NAA11: variants seen among roughly 807,000 people sequenced by gnomAD.
NAA11 encodes the protein N-alpha-acetyltransferase 11, NatA catalytic subunit.
In NAA11, 15 loss-of-function variants were observed where a neutral mutation model predicts 16.1. The ratio of observed to expected loss-of-function variants is 0.93; its 90% CI spans 0.62 to 1.44. The LOEUF (loss-of-function observed/expected upper bound fraction) is 1.44. Among genes scored for constraint, NAA11 ranks in the 40% most tolerant of loss-of-function variants. The pLI is 0.00. For missense variants in NAA11, 298 were observed against 291.3 expected, an observed-to-expected ratio of 1.02 and a Z score of -0.17; for synonymous variants, 122 against 112.4, an observed-to-expected ratio of 1.09 and a Z score of -0.54.
intron 1 of NAA11, among the ~76,000 whole-genome samples, chr4:79,310,130 A>G (rs1200810634): frequency 5.9e-5 from 9 of 152,202 alleles, no homozygotes; most frequent in Non-Finnish European, 1.0e-4. Context: ...AGCACCTGCT[A>G]TTGCCTGGGC....
chr4:79,322,617 T>C (rs774599837), intron 1 of NAA11, among the ~76,000 whole-genome samples: 5 of 152,108 alleles, frequency 3.3e-5, no homozygotes, highest in Non-Finnish European at 5.9e-5. Flanking sequence ...ACTGTGTAAG[T>C]CCTTCTACGA....
the NAA11 span, among the ~76,000 whole-genome samples, chr4:79,173,761 G>A: frequency 2.0e-5 from 3 of 152,076 alleles, no homozygotes; most frequent in South Asian, 2.1e-4. Context: ...TATGTTCCAC[G>A]TTCTGGGGCT....
At chr4:79,167,254 CAT>C in the NAA11 span, among the ~76,000 whole-genome samples, 228 of 112,722 alleles carry the variant, frequency 2.0e-3, 4 homozygotes, top group East Asian at 2.9e-3. Flanking sequence ...CACACACCCA[CAT>C]ATATATATAT....
At chr4:79,177,124 CTA>C in the NAA11 span, among the ~76,000 whole-genome samples, 4 of 151,856 alleles carry the variant, frequency 2.6e-5, no homozygotes, top group Non-Finnish European at 5.9e-5. Flanking sequence ...TATGAACACT[CTA>C]TATGTATATG....
chr4:79,203,495 G>C, the NAA11 span, among the ~76,000 whole-genome samples: 1 of 151,766 alleles, frequency 6.6e-6, no homozygotes, highest in African/African-American at 2.4e-5. Context: ...CTTGTAGTCA[G>C]AGGAAAGAAA....
intron 2 of NAA11, chr4:79,245,634 C>G (rs1312986899): frequency 1.3e-5 from 2 of 156,806 alleles, no homozygotes; most frequent in Non-Finnish European, 2.8e-5. Flanking sequence ...GCCCGGCCAC[C>G]CTGTCTGGGA....
chr4:79,269,308 A>G (rs1437603876), intron 2 of NAA11, among the ~76,000 whole-genome samples: 3 of 145,326 alleles, frequency 2.1e-5, no homozygotes, highest in African/African-American at 7.7e-5. Context: ...ACTAGTTTAC[A>G]GTCCCACCAA....
At chr4:79,225,188 G>A (rs1721282895), downstream of NAA11, among the ~76,000 whole-genome samples, 12 of 152,058 alleles carry the variant, frequency 7.9e-5, no homozygotes, top group South Asian at 2.3e-3. Flanking sequence ...ACTCAATGTG[G>A]GGTAGATGGA....
At chr4:79,193,523 A>T in the NAA11 span, among the ~76,000 whole-genome samples, 1 of 152,148 alleles carries the variant, frequency 6.6e-6, no homozygotes, top group Non-Finnish European at 1.5e-5. Flanking sequence ...TTTGTCAAAG[A>T]TCAGATAGTT....
At chr4:79,268,645 A>G (rs892365552) in intron 2 of NAA11, among the ~76,000 whole-genome samples, 1 of 152,148 alleles carries the variant, frequency 6.6e-6, no homozygotes, top group African/African-American at 2.4e-5. Context: ...ATGACTGCAT[A>G]AGGAATCCTT....
chr4:79,155,976 A>C, the NAA11 span, among the ~76,000 whole-genome samples: 1 of 152,216 alleles, frequency 6.6e-6, no homozygotes, highest in Non-Finnish European at 1.5e-5. Context: ...AGGTGAGTCA[A>C]TGTAAGCATT....
chr4:79,159,454 G>A, the NAA11 span, among the ~76,000 whole-genome samples: 5 of 152,166 alleles, frequency 3.3e-5, no homozygotes, highest in African/African-American at 1.2e-4. Context: ...CTTGGATGCA[G>A]TGAAAAAGGA....
At chr4:79,196,955 C>CAAAAAAAAA in the NAA11 span, among the ~76,000 whole-genome samples, 1,251 of 86,152 alleles carry the variant, frequency 0.015, no homozygotes, top group East Asian at 0.03. Flanking sequence ...ATGAAAAAGA[C>CAAAAAAAAA]AAAAAAAAAA....
the NAA11 span, among the ~76,000 whole-genome samples, chr4:79,199,591 A>T: frequency 6.6e-6 from 1 of 151,878 alleles, no homozygotes; most frequent in South Asian, 2.1e-4. Context: ...CTCAGCAAGA[A>T]TTATCCTCAT....
At chr4:79,157,584 TAC>T in the NAA11 span, among the ~76,000 whole-genome samples, 2 of 151,806 alleles carry the variant, frequency 1.3e-5, no homozygotes, top group Admixed American at 1.3e-4. Flanking sequence ...TATACATATA[TAC>T]GTGTGTGTGT....
chr4:79,235,102 G>A (rs1231504150), intron 2 of NAA11, among the ~76,000 whole-genome samples: 1 of 152,100 alleles, frequency 6.6e-6, no homozygotes, highest in Non-Finnish European at 1.5e-5. Flanking sequence ...TTAGTCCAGT[G>A]CCTTGCCTGG....
At chr4:79,173,035 G>C in the NAA11 span, among the ~76,000 whole-genome samples, 1 of 152,078 alleles carries the variant, frequency 6.6e-6, no homozygotes. Context: ...ATATTAGATA[G>C]TGCAAATAAC....
intron 1 of NAA11, among the ~76,000 whole-genome samples, chr4:79,309,714 C>T (rs199683053): frequency 0.056 from 4,547 of 80,546 alleles, 76 homozygotes; most frequent in African/African-American, 0.099. Context: ...TTTTTTTTTT[C>T]TTTTTTTTTT....
At chr4:79,229,447 T>C (rs1214832386) in intron 2 of NAA11, among the ~76,000 whole-genome samples, 2 of 151,962 alleles carry the variant, frequency 1.3e-5, no homozygotes, top group South Asian at 2.1e-4. Flanking sequence ...GTATGTATTA[T>C]ATAGATGAGA....
Sources: allele counts gnomAD v4.1 joint callset (sites outside exome capture counted in the v4.1 genomes callset), GRCh38; gene constraint gnomAD v4.1.1; transcripts MANE v1.5; gene names NCBI Gene and HGNC (gene_info 2026-07-23, HGNC 2026-07-21).